STAT2: variants seen among roughly 807,000 people sequenced by gnomAD.
STAT2 encodes the protein interferon alpha induced transcriptional activator.
A neutral mutation model predicts 122.3 loss-of-function variants in STAT2; 51 were observed. That is an observed-to-expected ratio of 0.42 (90% CI 0.33 to 0.53). The LOEUF (loss-of-function observed/expected upper bound fraction) is 0.53. Ranked by LOEUF, STAT2 falls within the 20% of genes least tolerant of loss-of-function variation. The pLI is 0.10. For synonymous variants in STAT2, 351 were observed against 394.9 expected, an observed-to-expected ratio of 0.89 and a Z score of 1.32; for missense variants, 736 against 1,010.3, an observed-to-expected ratio of 0.73 and a Z score of 3.68.
chr12:56,359,219 T>C (rs1182165398), intron 1 of STAT2, among the ~76,000 whole-genome samples: 1 of 152,202 alleles, frequency 6.6e-6, no homozygotes, highest in East Asian at 1.9e-4. Context: ...ACTCTTTTAG[T>C]AGTGCTTGAT....
intron 22 of STAT2, 82 bp from the exon 23 acceptor site, chr12:56,344,217 C>A: frequency 6.8e-7 from 1 of 1,477,762 alleles, no homozygotes; most frequent in South Asian, 1.4e-5. Flanking sequence ...AGAAGCTAGT[C>A]TAAGAAGGCA....
intron 17 of STAT2, 21 bp from the exon 18 acceptor site, chr12:56,348,825 G>A: frequency 1.9e-6 from 3 of 1,614,204 alleles, no homozygotes; most frequent in Non-Finnish European, 2.5e-6. Flanking sequence ...GATAGCCACA[G>A]ACAGATGATG....
At chr12:56,350,263 G>C in intron 12 of STAT2, 73 bp from the exon 13 acceptor site, 1 of 1,407,700 alleles carries the variant, frequency 7.1e-7, no homozygotes, top group Non-Finnish European at 9.8e-7. Context: ...AAAAAAAACA[G>C]AAGTTCCACT....
intron 7 of STAT2, 31 bp from the exon 8 acceptor site, chr12:56,354,645 T>A (rs767627545): frequency 3.7e-6 from 6 of 1,613,592 alleles, no homozygotes; most frequent in Non-Finnish European, 5.1e-6. Context: ...GTGTTGAGCA[T>A]CTCTCCCTTT....
intron 8 of STAT2, chr12:56,352,479 C>T (rs747287903): frequency 3.3e-5 from 5 of 150,820 alleles, no homozygotes; most frequent in Non-Finnish European, 7.4e-5. Context: ...GCCTCGCCAG[C>T]TGACATGGTG....
Position 56,350,810 on chromosome 12 carries a change from T to G in STAT2, c.1094+19A>C. The stretch of plus-strand genomic sequence containing the variant: ...CCAGCAGCCCGTGTCCTGGCCACCC[T>G]TCACCTGCTCCAATTTACCTGTCAA... On this transcript the variant is annotated intron_variant, in intron 11 of 23. Transcript: ENST00000314128. 1.2e-6 allele frequency: 2 copies of G among 1,613,696 alleles called. No individual in the cohort carries two copies. The highest frequency in any genetic ancestry group is 2.2e-5 in the South Asian group (2 of 91,054).
chr12:56,346,285 G>A (rs969326766), intron 21 of STAT2, 82 bp from the exon 22 acceptor site: 27 of 1,578,564 alleles, frequency 1.7e-5, no homozygotes, highest in Non-Finnish European at 2.3e-5. Flanking sequence ...AGATGGTCCT[G>A]GCAGTCTCAT....
Position 56,350,184 on chromosome 12 carries a change from C to A in STAT2, c.1122G>T (p.Arg374=), listed in dbSNP as rs1296579510. 1 of 1,611,322 alleles carries A rather than the reference C, an allele frequency of 6.2e-7. No homozygotes were observed. The highest frequency in any genetic ancestry group is 1.7e-5 in the Admixed American group (1 of 58,980). ...GGTTTGAAGTCAGAATGTTGAACTT[C>A]CGGAAGCTGTTCCAGGAGGAAGATA... ...DRNPPQLQGF[R]KFNILTSNQK... is the part of the protein sequence containing the mutation. The change falls in exon 13 of 24, where the codon CGG becomes CGT. Residue 374 remains arginine, a synonymous_variant. Coordinates refer to ENST00000314128, the MANE Select transcript of STAT2 (RefSeq NM_005419.4).
At position 56,348,791 on chromosome 12, in the gene STAT2, C is replaced by T. The variant is rs372040746; in HGVS notation, c.1590G>A (p.Arg530=). The change falls in exon 18 of 24, where the codon AGG becomes AGA. Residue 530 remains arginine (R), a synonymous_variant. Transcript: ENST00000314128. ...CCCAGGACAATAATGGATCCTCAGT[C>T]CTACAGTTCTGCCCTGTGGGACAGA... is the stretch of plus-strand genomic sequence containing the variant. The part of the protein sequence containing the change: ...LRNKLFGQNC[R]TEDPLLSWAD... 20 of 1,614,022 alleles carry T rather than the reference C, an allele frequency of 1.2e-5. No individual in the cohort carries two copies. The highest frequency in any genetic ancestry group is 1.7e-5 in the Non-Finnish European group (20 of 1,180,044).
In STAT2 at chr12:56,346,454, A is replaced by G. The variant is rs751187659; in HGVS notation, c.2032T>C (p.Tyr678His). The change falls in exon 21 of 24, where the codon TAC (tyrosine) becomes CAC (histidine). Residue 678 changes from tyrosine (Y) to histidine (H), a missense_variant. By Grantham distance (83) the Tyr-to-His change is moderately conservative (BLOSUM62 2). Coordinates refer to ENST00000314128, the MANE Select transcript of STAT2 (RefSeq NM_005419.4). ...IPRDEAFGCY[Y>H]QEKVNLQERR... is the part of the protein sequence containing the mutation. ...CAACGATTCCCACCTTTCTCCTGGT[A>G]GTAGCACCCAAAAGCTTCATCCCGG... is the stretch of plus-strand genomic sequence containing the variant. 2 of 1,614,200 alleles carry G rather than the reference A, an allele frequency of 1.2e-6. No individual in the cohort carries two copies. The highest frequency in any genetic ancestry group is 1.7e-5 in the Admixed American group (1 of 60,030).
intron 19 of STAT2, among the ~76,000 whole-genome samples, chr12:56,347,192 T>G (rs1161268583): frequency 1.3e-5 from 2 of 149,220 alleles, no homozygotes; most frequent in Non-Finnish European, 3.0e-5. Context: ...GAACAGCACT[T>G]TTTTTTTTTT....
chr12:56,350,803 G>C, intron 11 of STAT2, 26 bp downstream of exon 11: 1 of 1,613,278 alleles, frequency 6.2e-7, no homozygotes, highest in Non-Finnish European at 8.5e-7. Flanking sequence ...CCGTGTCCTG[G>C]CCACCCTTCA....
chr12:56,343,598 G>A, intron 23 of STAT2, 67 bp from the exon 24 acceptor site: 1 of 1,574,738 alleles, frequency 6.4e-7, no homozygotes, highest in Non-Finnish European at 8.6e-7. Flanking sequence ...AGCAGGGAAA[G>A]GGAGGGAGGA....
intron 22 of STAT2, 75 bp from the exon 23 acceptor site, chr12:56,344,210 A>C (rs2136034478): frequency 1.3e-6 from 2 of 1,485,840 alleles, no homozygotes; most frequent in South Asian, 2.7e-5. Flanking sequence ...AATAAGCAGA[A>C]GCTAGTCTAA....
chr12:56,356,309 T>C, intron 2 of STAT2, 24 bp from the exon 3 acceptor site: 1 of 1,609,718 alleles, frequency 6.2e-7, no homozygotes, highest in Non-Finnish European at 8.5e-7. Flanking sequence ...ATAAGAAGTA[T>C]TAGTGTCTCT....
intron 23 of STAT2, 55 bp from the exon 24 acceptor site, chr12:56,343,586 C>A: frequency 6.3e-7 from 1 of 1,586,158 alleles, no homozygotes; most frequent in African/African-American, 1.3e-5. Context: ...AGTTCCCAAC[C>A]CAGCAGGGAA....
chr12:56,345,524 A>AAATATATATATATATATATAT (rs1555169410), intron 22 of STAT2, among the ~76,000 whole-genome samples: 1 of 26,250 alleles, frequency 3.8e-5, no homozygotes. Flanking sequence ...AAAAAAAAAA[A>AAATATATATATATATATATAT]ATATATATAT....
At chr12:56,350,291 A>G in intron 12 of STAT2, 101 bp from the exon 13 acceptor site, 1 of 1,442,342 alleles carries the variant, frequency 6.9e-7, no homozygotes. Flanking sequence ...AGATCTCGCC[A>G]TCTCCCTTTG....
chr12:56,355,864 T>TAGACCCTCCCCACCAATGTC (rs1221577617), intron 3 of STAT2, 61 bp from the exon 4 acceptor site: 46 of 1,518,670 alleles, frequency 3.0e-5, no homozygotes, highest in Non-Finnish European at 4.2e-5. Flanking sequence ...CCTATTGCCC[T>TAGACCCTCCCCACCAATGTC]AGACCCTCCC....
Sources: gnomAD v4.1 joint callset for allele counts (sites outside exome capture counted in the v4.1 genomes callset) on GRCh38, gnomAD v4.1.1 for gene constraint, MANE v1.5 for transcripts, NCBI Gene and HGNC (gene_info 2026-07-23, HGNC 2026-07-21) for gene names.